The following TMEM272 variants were observed in gnomAD, a reference collection of about 807,000 sequenced individuals.
TMEM272 encodes transmembrane protein 272.
Under a neutral mutation model 3.7 loss-of-function variants are expected in TMEM272, and 8 were observed. The observed-to-expected ratio is 2.17, with a 90% CI of 1.27 to 3.91. The LOEUF (loss-of-function observed/expected upper bound fraction) is 3.91. Ranked by LOEUF, TMEM272 falls within the 30% of genes most tolerant of loss-of-function variation. TMEM272 has a pLI of 0.00. For missense variants in TMEM272, 166 were observed against 91.5 expected (o/e 1.81, Z -3.32); for synonymous variants, 63 against 39.8 (o/e 1.58, Z -2.20).
chr13:51,876,537 G>A, the TMEM272 span, among the ~76,000 whole-genome samples: 1 of 152,096 alleles, frequency 6.6e-6, no homozygotes, highest in Non-Finnish European at 1.5e-5. Flanking sequence ...TTGCATTTAG[G>A]ATATTATTCA....
chr13:51,872,209 G>C, the TMEM272 span, among the ~76,000 whole-genome samples: 1 of 152,146 alleles, frequency 6.6e-6, no homozygotes, highest in Admixed American at 6.5e-5. Flanking sequence ...AATATCCATA[G>C]AGAGATAAGA....
chr13:51,852,518 A>T, the TMEM272 span, among the ~76,000 whole-genome samples: 1 of 152,182 alleles, frequency 6.6e-6, no homozygotes, highest in Non-Finnish European at 1.5e-5. Context: ...ATGAGCAGTG[A>T]TGATTATGTT....
the TMEM272 span, among the ~76,000 whole-genome samples, chr13:51,869,220 A>G: frequency 6.6e-6 from 1 of 152,228 alleles, no homozygotes; most frequent in East Asian, 1.9e-4. Context: ...GAGCTGTGTC[A>G]TGATCAAGGT....
the TMEM272 span, among the ~76,000 whole-genome samples, chr13:51,918,950 A>G: frequency 4.0e-5 from 6 of 151,522 alleles, no homozygotes; most frequent in African/African-American, 1.5e-4. Flanking sequence ...GACCGGCCCC[A>G]TAATTAGAAA....
At chr13:51,826,347 C>A (rs1044878332) in intron 3 of TMEM272, among the ~76,000 whole-genome samples, 1 of 152,136 alleles carries the variant, frequency 6.6e-6, no homozygotes, top group Non-Finnish European at 1.5e-5. Context: ...TCTGTCCCCA[C>A]CCAGATATAC....
chr13:51,851,400 A>G, the TMEM272 span, among the ~76,000 whole-genome samples: 4,611 of 151,328 alleles, frequency 0.03, 99 homozygotes, highest in Admixed American at 0.078. Flanking sequence ...AGGAGGAGGA[A>G]GAAGAAGAAC....
the TMEM272 span, among the ~76,000 whole-genome samples, chr13:51,920,560 C>T: frequency 6.6e-6 from 1 of 152,148 alleles, no homozygotes; most frequent in Non-Finnish European, 1.5e-5. Flanking sequence ...GTTCTTCCTG[C>T]CTCCCTCCAT....
At chr13:51,872,708 G>A in the TMEM272 span, among the ~76,000 whole-genome samples, 1 of 152,184 alleles carries the variant, frequency 6.6e-6, no homozygotes, top group African/African-American at 2.4e-5. Context: ...TAAAAATAAA[G>A]TTATATAAAA....
intron 3 of TMEM272, among the ~76,000 whole-genome samples, chr13:51,823,561 A>T (rs1270603939): frequency 6.6e-6 from 1 of 152,266 alleles, no homozygotes; most frequent in Non-Finnish European, 1.5e-5. Context: ...GTAAGCAAGA[A>T]ATAAACTCTT....
the TMEM272 span, among the ~76,000 whole-genome samples, chr13:51,880,965 AT>A: frequency 7.2e-5 from 11 of 152,228 alleles, no homozygotes; most frequent in Non-Finnish European, 1.6e-4. Context: ...TAATAAATAA[AT>A]TCCAGCCAAG....
chr13:51,853,512 G>A, the TMEM272 span, among the ~76,000 whole-genome samples: 1 of 152,204 alleles, frequency 6.6e-6, no homozygotes, highest in Non-Finnish European at 1.5e-5. Context: ...CATTGAGTAG[G>A]TTGAGAAGGA....
At chr13:51,826,897 CT>C (rs143963212) in intron 2 of TMEM272, among the ~76,000 whole-genome samples, 7,877 of 152,226 alleles carry the variant, frequency 0.052, 275 homozygotes, top group Admixed American at 0.094. Flanking sequence ...AGTCTGACAG[CT>C]TATGGAAAAG....
the TMEM272 span, among the ~76,000 whole-genome samples, chr13:51,863,788 T>C: frequency 6.6e-6 from 1 of 151,754 alleles, no homozygotes; most frequent in African/African-American, 2.4e-5. Context: ...GCCCTGAAAA[T>C]TTCCCCAATA....
At chr13:51,892,659 A>G in the TMEM272 span, among the ~76,000 whole-genome samples, 2 of 152,102 alleles carry the variant, frequency 1.3e-5, no homozygotes, top group Non-Finnish European at 2.9e-5. Context: ...GCTCCATCAC[A>G]CAGCCTCTTC....
intron 4 of TMEM272, among the ~76,000 whole-genome samples, chr13:51,820,768 A>T (rs531734445): frequency 6.6e-6 from 1 of 152,252 alleles, no homozygotes; most frequent in Non-Finnish European, 1.5e-5. Flanking sequence ...CCATGGGGAA[A>T]ATGTGGCCCC....
At chr13:51,866,080 G>C in the TMEM272 span, 2 of 1,567,400 alleles carry the variant, frequency 1.3e-6, no homozygotes, top group Non-Finnish European at 1.7e-6. Flanking sequence ...GCAGGGCGTA[G>C]CCAGCATGCA....
At chr13:51,889,635 T>C in the TMEM272 span, among the ~76,000 whole-genome samples, 1 of 142,372 alleles carries the variant, frequency 7.0e-6, no homozygotes, top group African/African-American at 2.6e-5. Context: ...TGTGTGTGTG[T>C]GGGGGGGTTT....
chr13:51,875,045 T>G, the TMEM272 span, among the ~76,000 whole-genome samples: 36 of 147,238 alleles, frequency 2.4e-4, 1 homozygote, highest in East Asian at 3.3e-3. Flanking sequence ...CCCTAACCAA[T>G]GCGGCTTTAA....
At chr13:51,879,514 A>G in the TMEM272 span, among the ~76,000 whole-genome samples, 1 of 152,308 alleles carries the variant, frequency 6.6e-6, no homozygotes, top group East Asian at 1.9e-4. Context: ...GTGTCATCCA[A>G]ACCCATCTAC....
Sources: allele counts gnomAD v4.1 joint callset (sites outside exome capture counted in the v4.1 genomes callset), GRCh38; gene constraint gnomAD v4.1.1; transcripts MANE v1.5; gene names NCBI Gene and HGNC (gene_info 2026-07-23, HGNC 2026-07-21).